Variants in NBPF9 observed in about 807,000 individuals in gnomAD.
NBPF9 encodes NBPF member 9, also known as NBPF family member NBPF9.
Under a neutral mutation model 97.8 loss-of-function variants are expected in NBPF9, and 91 were observed. The ratio of observed to expected loss-of-function variants is 0.93; its 90% CI spans 0.79 to 1.11. The LOEUF (loss-of-function observed/expected upper bound fraction) is 1.11, where lower values mean the gene tolerates loss of function less well. Among genes scored for constraint, NBPF9 ranks in the 50% least tolerant of loss-of-function variants. NBPF9 has a pLI of 0.00. For synonymous variants in NBPF9, 334 were observed against 359.5 expected, an observed-to-expected ratio of 0.93 and a Z score of 0.80; for missense variants, 992 against 939.5, an observed-to-expected ratio of 1.06 and a Z score of -0.73.
chr1:149,055,857 C>A (rs28712116), exon 30 of NBPF9: 3 of 1,602,624 alleles, frequency 1.9e-6, no homozygotes, highest in African/African-American at 1.4e-5. Context: ...GTGAGTCCTG[C>A]AAGACTTCAG....
chr1:149,073,768 C>T, exon 13 of NBPF9: 1 of 1,578,776 alleles, frequency 6.3e-7, no homozygotes, highest in Non-Finnish European at 8.7e-7. Context: ...GTCCCCTCAC[C>T]TGAGCTCCTC....
At chr1:149,097,158 T>G in intron 4 of NBPF9, among the ~76,000 whole-genome samples, 15 of 128,792 alleles carry the variant, frequency 1.2e-4, no homozygotes, top group East Asian at 2.3e-4. Context: ...AGAAAAAGAG[T>G]GGGAGAGAAG....
intron 8 of NBPF9, among the ~76,000 whole-genome samples, chr1:149,079,739 G>T (rs1553655950): frequency 6.6e-6 from 1 of 151,568 alleles, no homozygotes; most frequent in Admixed American, 6.6e-5. Flanking sequence ...AAGTGGGGTG[G>T]CAATAGCACA....
At chr1:149,063,051 G>C (rs1247436093) in intron 20 of NBPF9, 138 bp from the exon 21 acceptor site, 82 of 562,888 alleles carry the variant, frequency 1.5e-4, no homozygotes, top group Non-Finnish European at 1.9e-4. Context: ...TTCTTCAGGA[G>C]GCCTGAAGGC....
chr1:149,055,491 T>A (rs1382844522), exon 30 of NBPF9: 8 of 1,490,912 alleles, frequency 5.4e-6, no homozygotes, highest in Admixed American at 4.1e-5. Context: ...GTCTTCAGAC[T>A]GAGCACAGGT....
chr1:149,068,284 C>A (rs1429544785), intron 17 of NBPF9, among the ~76,000 whole-genome samples: 5 of 150,380 alleles, frequency 3.3e-5, no homozygotes, highest in African/African-American at 1.2e-4. Context: ...CAATATTAAC[C>A]TTAAATGTAA....
intron 5 of NBPF9, among the ~76,000 whole-genome samples, chr1:149,082,962 T>A (rs868976873): frequency 9.7e-6 from 1 of 102,650 alleles, no homozygotes; most frequent in Non-Finnish European, 2.0e-5. Flanking sequence ...CTTTTCTTTT[T>A]TTTTTTTTTT....
intron 21 of NBPF9, 150 bp from the exon 22 acceptor site, chr1:149,062,415 G>A (rs1553650311): frequency 2.9e-6 from 2 of 681,456 alleles, no homozygotes; most frequent in East Asian, 2.7e-5. Context: ...TTTAGGTTGG[G>A]ATAGACCAGG....
intron 7 of NBPF9, among the ~76,000 whole-genome samples, chr1:149,081,695 A>C (rs2080462237): frequency 7.0e-6 from 1 of 142,328 alleles, no homozygotes; most frequent in Non-Finnish European, 1.5e-5. Flanking sequence ...AGCCTCTTGG[A>C]GAAAACAGGT....
chr1:149,083,149 TTTGA>T (rs1187216695), intron 5 of NBPF9, among the ~76,000 whole-genome samples: 10 of 149,548 alleles, frequency 6.7e-5, no homozygotes, highest in Non-Finnish European at 1.3e-4. Context: ...CACTAATTTG[TTTGA>T]TTGTGTTTTT....
chr1:149,087,222 C>T (rs1378303042), intron 5 of NBPF9, among the ~76,000 whole-genome samples: 1 of 150,704 alleles, frequency 6.6e-6, no homozygotes. Context: ...TGCTGTTTAT[C>T]GTATCAGACT....
At chr1:149,057,801 A>G (rs1375362129) in intron 27 of NBPF9, among the ~76,000 whole-genome samples, 158 of 98,794 alleles carry the variant, frequency 1.6e-3, no homozygotes, top group African/African-American at 5.7e-3. Flanking sequence ...TGTCCAGGTG[A>G]CACACTGATG....
chr1:149,060,974 C>A (rs2078559173), intron 23 of NBPF9: 2 of 417,128 alleles, frequency 4.8e-6, no homozygotes, highest in African/African-American at 5.4e-5. Flanking sequence ...AGATGACACA[C>A]TGATGAGGGA....
At chr1:149,091,250 G>GA (rs1379164276) in intron 4 of NBPF9, among the ~76,000 whole-genome samples, 8 of 145,000 alleles carry the variant, frequency 5.5e-5, no homozygotes, top group African/African-American at 1.5e-4. Flanking sequence ...AACACTTTGG[G>GA]AAAAAATGTC....
intron 4 of NBPF9, among the ~76,000 whole-genome samples, chr1:149,097,709 TGACCTGA>T (rs1197889343): frequency 7.9e-5 from 12 of 152,210 alleles, no homozygotes; most frequent in East Asian, 3.9e-4. Flanking sequence ...CATGGGGTAG[TGACCTGA>T]GATTTACTCG....
At chr1:149,093,863 C>A (rs1231021905) in intron 4 of NBPF9, among the ~76,000 whole-genome samples, 9,894 of 123,830 alleles carry the variant, frequency 0.08, 765 homozygotes, top group East Asian at 0.45. Context: ...CAGGTCAGGC[C>A]GTGGCTCGTG....
chr1:149,055,415 T>G, exon 30 of NBPF9: 1 of 684,310 alleles, frequency 1.5e-6, no homozygotes, highest in Non-Finnish European at 2.4e-6. Flanking sequence ...TTAAAATGTC[T>G]GACTGATCAC....
chr1:149,073,801 A>G lies in NBPF9; in HGVS notation c.1058T>C (p.Leu353Pro). Reference sequence around the variant, plus strand: ...CTCAGCTTGCTTCAGCTGCTCTGCAAGCTTCTCCTCCTTGAACTGTCGCTC... The same window carrying G: ...CTCAGCTTGCTTCAGCTGCTCTGCAGGCTTCTCCTCCTTGAACTGTCGCTC... Residue 353 changes from leucine (L) to proline (P), a missense_variant, in exon 13 of 30, where the codon CTT becomes CCT. By Grantham distance (98) the Leu-to-Pro change is moderately conservative (BLOSUM62 -3). Transcript: ENST00000584027. The G allele has an allele frequency of 2.5e-6, 4 of 1,575,232 alleles. No individual in the cohort carries two copies. In the South Asian group the frequency reaches 4.5e-5, roughly 18 times the overall value.
chr1:149,061,591 T>C lies in NBPF9; in HGVS notation c.2252-208A>G, dbSNP rs879228462. The C allele has an allele frequency of 3.6e-5, 11 of 301,512 alleles. 3 individuals carry two copies. Among genetic ancestry groups the C allele is most frequent in the Admixed American group, 1.1e-4 (2 of 18,420 alleles). 18.7% of individuals were successfully genotyped at this position (301,512 alleles called of 1,614,324 possible). A position where few individuals can be genotyped will look rare whatever the true frequency, so the allele number is the denominator to read the frequency against. ...CAAGGGTGAAATATCCCCATTCTGGTAGATCGTTATCCCAAAATCATTTAT... is the reference window on the plus strand; with the variant it reads ...CAAGGGTGAAATATCCCCATTCTGGCAGATCGTTATCCCAAAATCATTTAT... On this transcript the variant is annotated intron_variant, in intron 22 of 29. Coordinates refer to ENST00000584027, the Ensembl canonical transcript of NBPF9.
Sources: allele counts gnomAD v4.1 joint callset (sites outside exome capture counted in the v4.1 genomes callset), GRCh38; gene constraint gnomAD v4.1.1; transcripts MANE v1.5; gene names NCBI Gene and HGNC (gene_info 2026-07-23, HGNC 2026-07-21).